Variants in KIF26B observed in about 807,000 individuals in gnomAD.
The protein encoded by KIF26B is kinesin-like protein KIF26B.
A neutral mutation model predicts 151.2 loss-of-function variants in KIF26B; 63 were observed. The ratio of observed to expected loss-of-function variants is 0.42; its 90% CI spans 0.34 to 0.51. The LOEUF (loss-of-function observed/expected upper bound fraction) is 0.51. Among genes scored for constraint, KIF26B ranks in the 20% least tolerant of loss-of-function variants. The pLI is 0.07. For missense variants in KIF26B, 2,813 were observed against 2,913.6 expected (o/e 0.97, Z 0.79); for synonymous variants, 1,357 against 1,262.1 (o/e 1.08, Z -1.59).
chr1:245,201,370 A>G (rs1213510393), intron 2 of KIF26B, among the ~76,000 whole-genome samples: 1 of 152,236 alleles, frequency 6.6e-6, no homozygotes, highest in South Asian at 2.1e-4. Flanking sequence ...AGATGTTAGT[A>G]GAGAGGACAC....
intron 10 of KIF26B, among the ~76,000 whole-genome samples, chr1:245,660,081 A>T (rs2044118602): frequency 6.6e-6 from 1 of 151,918 alleles, no homozygotes; most frequent in African/African-American, 2.4e-5. Context: ...TCAGCTGTGA[A>T]TATTTTTTCT....
intron 4 of KIF26B, among the ~76,000 whole-genome samples, chr1:245,492,224 A>G (rs923288575): frequency 6.6e-6 from 1 of 152,192 alleles, no homozygotes; most frequent in East Asian, 1.9e-4. Context: ...GCTCTTTCCC[A>G]AAACACAATT....
At chr1:245,321,699 G>T (rs561224131) in intron 2 of KIF26B, among the ~76,000 whole-genome samples, 1 of 152,164 alleles carries the variant, frequency 6.6e-6, no homozygotes, top group Non-Finnish European at 1.5e-5. Flanking sequence ...AACCACCAAG[G>T]CTTCCTTATT....
At chr1:245,538,817 G>C (rs1425079146) in intron 4 of KIF26B, among the ~76,000 whole-genome samples, 1 of 152,140 alleles carries the variant, frequency 6.6e-6, no homozygotes, top group Non-Finnish European at 1.5e-5. Flanking sequence ...CTTGAGAGCA[G>C]GGAGGGATCG....
At chr1:245,406,209 G>T (rs1173609725) in intron 3 of KIF26B, among the ~76,000 whole-genome samples, 2 of 152,148 alleles carry the variant, frequency 1.3e-5, no homozygotes. Flanking sequence ...GCAAAGAGAG[G>T]GGAGATGAGT....
chr1:245,307,615 TG>T (rs1254717089), intron 2 of KIF26B, among the ~76,000 whole-genome samples: 1 of 152,228 alleles, frequency 6.6e-6, no homozygotes, highest in Admixed American at 6.5e-5. Context: ...ATATCTGCTT[TG>T]GATGTTTTTT....
chr1:245,577,802 C>G (rs910118611), intron 5 of KIF26B, among the ~76,000 whole-genome samples: 1 of 147,428 alleles, frequency 6.8e-6, no homozygotes, highest in Non-Finnish European at 1.5e-5. Flanking sequence ...ACCGGAAGAG[C>G]TTTGTGGAAC....
At chr1:245,604,112 GCAGAAATGAATAACC>G (rs1558233053) in intron 6 of KIF26B, among the ~76,000 whole-genome samples, 1 of 152,194 alleles carries the variant, frequency 6.6e-6, no homozygotes, top group African/African-American at 2.4e-5. Flanking sequence ...AGAACTGATT[GCAGAAATGAATAACC>G]CAGGTTATAG....
At position 245,155,452 on chromosome 1, in the gene KIF26B, A is replaced by G. The variant is rs1668412238; in HGVS notation, c.28A>G (p.Arg10Gly). 1 of 1,612,162 alleles carries G rather than the reference A, an allele frequency of 6.2e-7. No homozygotes were observed. Among genetic ancestry groups the G allele is most frequent in the African/African-American group, 1.3e-5 (1 of 74,906 alleles). Residue 10 changes from arginine to glycine, a missense_variant, in exon 1 of 15, where the codon AGG becomes GGG. Around this residue, in one of 3 missense-constraint regions of KIF26B, gnomAD observed 676 missense variants for 688.1 expected, o/e 0.98. Coordinates refer to ENST00000407071, the MANE Select transcript of KIF26B (RefSeq NM_018012.4). Reference protein sequence around the residue: MNSVAGNKERLAVSTRGKKY... With the variant: MNSVAGNKEGLAVSTRGKKY... ...GAATTCGGTAGCTGGGAATAAAGAG[A>G]GGCTTGCGGTCTCCACCAGGGGCAA...
chr1:245,359,146 G>T (rs976986182), intron 2 of KIF26B, among the ~76,000 whole-genome samples: 1 of 152,040 alleles, frequency 6.6e-6, no homozygotes, highest in African/African-American at 2.4e-5. Flanking sequence ...AGCCTCCCGG[G>T]TAGCTGGGAT....
At chr1:245,590,250 G>A (rs1040560653) in intron 5 of KIF26B, among the ~76,000 whole-genome samples, 1 of 150,948 alleles carries the variant, frequency 6.6e-6, no homozygotes, top group East Asian at 2.0e-4. Flanking sequence ...ACCGTGCCGC[G>A]CATGCGCAGG....
chr1:245,293,416 C>A (rs1048246914), intron 2 of KIF26B, among the ~76,000 whole-genome samples: 5 of 152,124 alleles, frequency 3.3e-5, no homozygotes, highest in African/African-American at 1.2e-4. Flanking sequence ...GTGGACTCTG[C>A]TCCTGACACA....
intron 2 of KIF26B, among the ~76,000 whole-genome samples, chr1:245,307,206 T>C (rs1671571556): frequency 6.6e-6 from 1 of 152,204 alleles, no homozygotes; most frequent in African/African-American, 2.4e-5. Context: ...CTGGGTACAG[T>C]TGTCTTTGAA....
intron 2 of KIF26B, among the ~76,000 whole-genome samples, chr1:245,316,699 C>T (rs534551793): frequency 6.6e-6 from 1 of 152,302 alleles, no homozygotes; most frequent in South Asian, 2.1e-4. Context: ...CATCTCACCA[C>T]CCAGTAGTGT....
In KIF26B at chr1:245,704,469, C is replaced by T. The variant is rs1244825660; in HGVS notation, c.*1863C>T. Reference sequence around the variant, plus strand: ...CCTGTTGGCTCATGTGCTTTGGAAGCCAGCTCCCTGGGTCACGAGTCTGGC... The same window carrying T: ...CCTGTTGGCTCATGTGCTTTGGAAGTCAGCTCCCTGGGTCACGAGTCTGGC... On this transcript the variant is annotated 3_prime_UTR_variant, in exon 15 of 15. Coordinates refer to ENST00000407071, the MANE Select transcript of KIF26B (RefSeq NM_018012.4). 3.3e-5 allele frequency: 5 copies of T among 152,240 alleles called. No homozygotes were observed. The highest frequency in any genetic ancestry group is 7.3e-5 in the Non-Finnish European group (5 of 68,058). The allele number at this position is 152,240 out of a possible 1,614,324, so 9.4% of individuals were successfully genotyped here.
intron 4 of KIF26B, among the ~76,000 whole-genome samples, chr1:245,539,766 C>T (rs1462874638): frequency 6.6e-6 from 1 of 152,168 alleles, no homozygotes; most frequent in African/African-American, 2.4e-5. Context: ...GATCCTCCTG[C>T]CTCAGCCTCC....
At position 245,601,816 on chromosome 1, in the gene KIF26B, G is replaced by A. The variant is rs1237652538; in HGVS notation, c.1351-761G>A. Among the ~76,000 whole-genome samples the A allele has an allele frequency of 5.3e-5, 8 of 152,306 alleles. No homozygotes were observed. Among genetic ancestry groups the A allele is most frequent in the African/African-American group, 1.9e-4 (8 of 41,572 alleles). On this transcript the variant is annotated intron_variant, in intron 5 of 14. Transcript: ENST00000407071. This position sits in a 1 kb window ranked among gnomAD's most constrained non-coding sequence, Gnocchi z 4.4. ...ATTTCTGTTCACCTTAGAACCCCAA[G>A]GCTGACTGTGCATTTCCATAAGCAC...
chr1:245,253,975 G>A (rs943546792), intron 2 of KIF26B, among the ~76,000 whole-genome samples: 8 of 151,316 alleles, frequency 5.3e-5, no homozygotes, highest in African/African-American at 9.7e-5. Flanking sequence ...ACGCCCGGCT[G>A]ATTTTTTTGT....
intron 4 of KIF26B, among the ~76,000 whole-genome samples, chr1:245,460,016 A>G (rs574483891): frequency 2.0e-5 from 3 of 151,816 alleles, no homozygotes; most frequent in African/African-American, 7.3e-5. Flanking sequence ...GTCTCGCTCT[A>G]TCATCTAGGC....
Sources: allele counts gnomAD v4.1 joint callset (sites outside exome capture counted in the v4.1 genomes callset), GRCh38; gene constraint gnomAD v4.1.1; regional missense constraint gnomAD v4.1.1; non-coding constraint Gnocchi (gnomAD v3.1); transcripts MANE v1.5; gene names NCBI Gene and HGNC (gene_info 2026-07-23, HGNC 2026-07-21).